STAB1: variants seen among roughly 807,000 people sequenced by gnomAD.
STAB1 encodes the protein stabilin-1.
Under a neutral mutation model 332.4 loss-of-function variants are expected in STAB1, and 250 were observed. The ratio of observed to expected loss-of-function variants is 0.75; its 90% confidence interval spans 0.68 to 0.84. STAB1 has a LOEUF of 0.84. STAB1 is among the 40% of genes least tolerant of loss of function. STAB1 has a pLI of 0.00. For synonymous variants in STAB1, 1,475 were observed against 1,390.4 expected, an observed-to-expected ratio of 1.06 and a Z score of -1.35; for missense variants, 3,249 against 3,489.7, an observed-to-expected ratio of 0.93 and a Z score of 1.74.
At position 52,520,785 on chromosome 3, in the gene STAB1, C is replaced by G; in HGVS notation, c.5707-19C>G. Reference sequence around the variant, plus strand: ...CAAACTCAGAACCACCCAACTGCGGCCTGACTCCTTTGGCCCAGGGCAGCC... The same window carrying G: ...CAAACTCAGAACCACCCAACTGCGGGCTGACTCCTTTGGCCCAGGGCAGCC... On this transcript the variant is annotated intron_variant, in intron 54 of 68. Coordinates refer to ENST00000321725, the MANE Select transcript of STAB1 (RefSeq NM_015136.3). 3 of 1,612,760 alleles carry G rather than the reference C, an allele frequency of 1.9e-6. No individual in the cohort carries two copies. The South Asian group carries it at 3.3e-5, about 18-fold the overall frequency.
chr3:52,511,723 G>A lies in STAB1; in HGVS notation c.2861G>A (p.Gly954Asp), dbSNP rs1464867217. Reference protein sequence around the residue: ...QCSPIDPCRAGNGGCHGLATC... With the variant: ...QCSPIDPCRADNGGCHGLATC... ...AGCCCCATCGACCCCTGCCGGGCAGGCAATGGCGGCTGCCACGGCCTGGTA... is the reference window on the plus strand; with the variant it reads ...AGCCCCATCGACCCCTGCCGGGCAGACAATGGCGGCTGCCACGGCCTGGTA... The change falls in exon 26 of 69, where the codon GGC (glycine) becomes GAC (aspartate). Residue 954 changes from glycine (G) to aspartate (D), a missense_variant. Physicochemically the swap from Gly to Asp is moderately conservative, Grantham distance 94. Coordinates refer to ENST00000321725, the MANE Select transcript of STAB1 (RefSeq NM_015136.3). 11 of 1,596,424 alleles carry A rather than the reference G, an allele frequency of 6.9e-6. No homozygotes were observed. Among genetic ancestry groups the A allele is most frequent in the Non-Finnish European group, 9.4e-6 (11 of 1,170,026 alleles).
At chr3:52,505,993 G>T (rs1010287002) in intron 16 of STAB1, 57 bp downstream of exon 16, 13 of 1,603,238 alleles carry the variant, frequency 8.1e-6, no homozygotes, top group Non-Finnish European at 1.1e-5. Context: ...CTGCCTGCAG[G>T]TTCTGGACTT....
chr3:52,505,108 T>C lies in STAB1; in HGVS notation c.1483T>C (p.Trp495Arg). The change falls in exon 13 of 69, where the codon TGG (tryptophan) becomes CGG (arginine). Residue 495 changes from tryptophan to arginine, a missense_variant. Transcript: ENST00000321725. ...CTTCCACGTGGTCACTGGCCTGCGG[T>C]GGCAGGCCCCCTCTGGGACCCCTGG... Reference protein sequence around the residue: ...GVFHVVTGLRWQAPSGTPGDP... With the variant: ...GVFHVVTGLRRQAPSGTPGDP... The C allele has an allele frequency of 1.9e-6, 3 of 1,613,436 alleles. No homozygotes were observed. Among genetic ancestry groups the C allele is most frequent in the Non-Finnish European group, 2.5e-6 (3 of 1,179,938 alleles).
intron 57 of STAB1, 21 bp from the exon 58 acceptor site, chr3:52,521,823 G>A: frequency 5.0e-6 from 8 of 1,593,488 alleles, no homozygotes; most frequent in Non-Finnish European, 6.8e-6. Flanking sequence ...CTGGTTCTGG[G>A]GGCTGGGCCC....
Position 52,520,406 on chromosome 3 carries a change from C to T in STAB1, c.5506C>T (p.Leu1836Phe). 1 of 1,611,900 alleles carries T rather than the reference C, an allele frequency of 6.2e-7. No homozygotes were observed. Among genetic ancestry groups the T allele is most frequent in the Middle Eastern group, 1.7e-4 (1 of 6,058 alleles). The part of the protein sequence containing the change: ...FSCSRTRAGE[L>F]MVGEDDARIV... The stretch of plus-strand genomic sequence containing the variant: ...TCATATTCTCTCCTTGCAGGGTGAG[C>T]TCATGGTGGGTGAGGATGATGCTCG... Residue 1836 changes from leucine to phenylalanine, a missense_variant, in exon 53 of 69, where the codon CTC (leucine) becomes TTC (phenylalanine). Transcript: ENST00000321725.
Position 52,521,369 on chromosome 3 carries a change from G to GGCGGCCCCA in STAB1, c.5920_5928dup (p.Gly1974_Ser1976dup), listed in dbSNP as rs769879000. ...TCCTACCCCATCCCCAGCTTGCCCT[G>GGCGGCCCCA]GCGGCCCCAGCAGCCCTTGTAGTGA... is the stretch of plus-strand genomic sequence containing the variant. On this transcript the variant is annotated inframe_insertion, in exon 56 of 69. Transcript: ENST00000321725. 18 of 1,613,788 alleles carry GGCGGCCCCA rather than the reference G, an allele frequency of 1.1e-5. No homozygotes were observed. Among genetic ancestry groups the GGCGGCCCCA allele is most frequent in the Admixed American group, 1.7e-5 (1 of 60,002 alleles).
intron 45 of STAB1, 120 bp downstream of exon 45, chr3:52,518,123 T>G: frequency 6.6e-7 from 1 of 1,508,098 alleles, no homozygotes; most frequent in Non-Finnish European, 8.9e-7. Flanking sequence ...ACACTGAGCC[T>G]GACCCCTGAT....
chr3:52,495,480 G>T lies in STAB1; in HGVS notation c.67G>T (p.Val23Phe). 2 of 1,339,092 alleles carry T rather than the reference G, an allele frequency of 1.5e-6. No homozygotes were observed. The highest frequency in any genetic ancestry group is 1.9e-6 in the Non-Finnish European group (2 of 1,037,560). 83.0% of individuals were successfully genotyped at this position (1,339,092 alleles called of 1,614,324 possible). The change falls in exon 1 of 69, where the codon GTC becomes TTC. Residue 23 changes from valine to phenylalanine, a missense_variant. Coordinates refer to ENST00000321725, the MANE Select transcript of STAB1 (RefSeq NM_015136.3). ...LAFCLAGFSF[V>F]RGQVLFKGCD... ...CTTCTGCCTGGCAGGCTTCAGCTTCGTCAGGGGGCAGGTAAGTGTGAGCCA... is the reference window on the plus strand; with the variant it reads ...CTTCTGCCTGGCAGGCTTCAGCTTCTTCAGGGGGCAGGTAAGTGTGAGCCA...
rs574870263 is a variant in STAB1, at chr3:52,507,971, C to T, written c.2093C>T (p.Thr698Met). The change falls in exon 20 of 69, where the codon ACG becomes ATG. Residue 698 changes from threonine to methionine, a missense_variant. Transcript: ENST00000321725. Reference protein sequence around the residue: ...PKECVYIHDPTGLNVLKKGCA... With the variant: ...PKECVYIHDPMGLNVLKKGCA... ...GAGTGTGTCTACATCCATGACCCAA[C>T]GGGGCTCAATGTGCTAAAGAAGGGC... 9 of 1,613,696 alleles carry T rather than the reference C, an allele frequency of 5.6e-6. No individual in the cohort carries two copies. Among genetic ancestry groups the T allele is most frequent in the South Asian group, 3.3e-5 (3 of 91,080 alleles).
Position 52,516,066 on chromosome 3 carries a change from C to T in STAB1, c.3972C>T (p.Phe1324=). 1.9e-6 allele frequency: 3 copies of T among 1,610,872 alleles called. No individual in the cohort carries two copies. The highest frequency in any genetic ancestry group is 2.5e-6 in the Non-Finnish European group (3 of 1,178,794). The change falls in exon 38 of 69, where the codon TTC becomes TTT. Residue 1324 remains phenylalanine (F), a synonymous_variant. Transcript: ENST00000321725. ...AGGTGCCGGACTGCTGCCCTGGTTT[C>T]TTTGGCACGCTGTGTGAGCCATGCC... is the stretch of plus-strand genomic sequence containing the variant. ...KIQVPDCCPG[F]FGTLCEPCPG... is the part of the protein sequence containing the mutation.
rs1011320710 is a variant in STAB1, at chr3:52,519,152, G to T, written c.5035-112G>T. 4 of 1,256,960 alleles carry T rather than the reference G, an allele frequency of 3.2e-6. No homozygotes were observed. In the African/African-American group the frequency reaches 4.6e-5, roughly 14 times the overall value. 77.9% of individuals were successfully genotyped at this position (1,256,960 alleles called of 1,614,324 possible). On this transcript the variant is annotated intron_variant, in intron 48 of 68. Coordinates refer to ENST00000321725, the MANE Select transcript of STAB1 (RefSeq NM_015136.3). ...CACCTCGTCCTGGTCCCGAAGAACC[G>T]GGACTGCCTGCACCCTGACTTGCCC...
rs764921346 is a variant in STAB1 at position 52,523,443 on chromosome 3, A to G, written c.7157A>G (p.Asp2386Gly). Residue 2386 changes from aspartate to glycine, a missense_variant, in exon 65 of 69, where the codon GAC becomes GGC. Asp to Gly is a moderately conservative substitution (Grantham distance 94). Transcript: ENST00000321725. ...FVDNMTLSGP[D>G]LELHASNATL... ...TGCTCACAGACGCTGAGTGGCCCAG[A>G]CTTGGAGCTGCATGCCTCCAACGCC... The G allele has an allele frequency of 6.2e-7, 1 of 1,609,228 alleles. No homozygotes were observed. The highest frequency in any genetic ancestry group is 8.5e-7 in the Non-Finnish European group (1 of 1,177,324).
At position 52,524,466 on chromosome 3, in the gene STAB1, G is replaced by A; in HGVS notation, c.*110G>A. 6.2e-7 allele frequency: 1 copy of A among 1,612,690 alleles called. No individual in the cohort carries two copies. Among genetic ancestry groups the A allele is most frequent in the South Asian group, 1.1e-5 (1 of 91,086 alleles). On this transcript the variant is annotated 3_prime_UTR_variant, in exon 69 of 69. Transcript: ENST00000321725. ...AGGGCCTGTCCCAGACAATAAAGGT[G>A]CCCTCAGCGGATGTGGGCCATGTCA...
rs113454193 is a variant in STAB1 at position 52,501,545 on chromosome 3, G to T, written c.216-93G>T. On this transcript the variant is annotated intron_variant, in intron 2 of 68. Coordinates refer to ENST00000321725, the MANE Select transcript of STAB1 (RefSeq NM_015136.3). The stretch of plus-strand genomic sequence containing the variant: ...GCTCTGGGCCAGGCAGAGCAGGGAG[G>T]TGGGTGGGAGCCCCGGAAGCCAATG... The T allele has an allele frequency of 2.9e-5, 36 of 1,255,426 alleles. 1 individual carries two copies. Among genetic ancestry groups the T allele is most frequent in the Middle Eastern group, 2.2e-4 (1 of 4,470 alleles). 77.8% of individuals were successfully genotyped at this position (1,255,426 alleles called of 1,614,324 possible).
Position 52,503,629 on chromosome 3 carries a change from G to T in STAB1, c.891+89G>T, listed in dbSNP as rs112086918. On this transcript the variant is annotated intron_variant, in intron 8 of 68. Coordinates refer to ENST00000321725, the MANE Select transcript of STAB1 (RefSeq NM_015136.3). ...TGGGCAAGTCACAGGCCTTCTGGTAGCCTCAGTTTCCCCACTTGTAAAGTG... is the reference window on the plus strand; with the variant it reads ...TGGGCAAGTCACAGGCCTTCTGGTATCCTCAGTTTCCCCACTTGTAAAGTG... The T allele has an allele frequency of 5.1e-5, 79 of 1,564,014 alleles. 3 individuals are homozygous for T. The African/African-American group carries it at 5.3e-4, about 10-fold the overall frequency.
In STAB1 at chr3:52,523,055, T is replaced by C; in HGVS notation, c.6941T>C (p.Val2314Ala). Residue 2314 changes from valine to alanine, a missense_variant, in exon 63 of 69, where the codon GTG (valine) becomes GCG (alanine). Val to Ala is a moderately conservative substitution (Grantham distance 64, BLOSUM62 0). Transcript: ENST00000321725. ...GCCTGCCGATGCCGAAATGGCTTCGTGGGTGACGGGATCAGCACGTGCAAT... is the reference window on the plus strand; with the variant it reads ...GCCTGCCGATGCCGAAATGGCTTCGCGGGTGACGGGATCAGCACGTGCAAT... ...DVACRCRNGF[V>A]GDGISTCNGK... 6.4e-7 allele frequency: 1 copy of C among 1,570,250 alleles called. No homozygotes were observed. The highest frequency in any genetic ancestry group is 8.7e-7 in the Non-Finnish European group (1 of 1,155,792).
In STAB1 at chr3:52,524,383, T is replaced by G. The variant is rs914694922; in HGVS notation, c.*27T>G. ...GAGGCTGGGGCTGAAAGCAGAAGCATGCACAGGGAGGAGACCACTTTTATT... is the reference window on the plus strand; with the variant it reads ...GAGGCTGGGGCTGAAAGCAGAAGCAGGCACAGGGAGGAGACCACTTTTATT... On this transcript the variant is annotated 3_prime_UTR_variant, in exon 69 of 69. Transcript: ENST00000321725. 5 of 1,613,334 alleles carry G rather than the reference T, an allele frequency of 3.1e-6. No individual in the cohort carries two copies. Among genetic ancestry groups the G allele is most frequent in the Non-Finnish European group, 4.2e-6 (5 of 1,179,910 alleles).
chr3:52,523,522 C>A lies in STAB1; in HGVS notation c.7236C>A (p.Gly2412=), dbSNP rs764035244. The change falls in exon 65 of 69, where the codon GGC becomes GGA. Residue 2412 remains glycine, a synonymous_variant. Transcript: ENST00000321725. ...SQGKLLPAHS[G]LSLIISDAGP... is the part of the protein sequence containing the mutation. The stretch of plus-strand genomic sequence containing the variant: ...GGAAGTTGCTTCCGGCCCACTCAGG[C>A]CTCAGCCTCATCATCAGTGACGCAG... 2 of 1,612,868 alleles carry A rather than the reference C, an allele frequency of 1.2e-6. No individual in the cohort carries two copies. Among genetic ancestry groups the A allele is most frequent in the Non-Finnish European group, 1.7e-6 (2 of 1,179,992 alleles).
chr3:52,511,861 A>T (rs1392267938), intron 26 of STAB1, 116 bp downstream of exon 26: 1 of 832,538 alleles, frequency 1.2e-6, no homozygotes, highest in Non-Finnish European at 1.8e-6. Flanking sequence ...CAGGATTAAG[A>T]TCTTTCTAAA....
Sources: allele counts gnomAD v4.1 joint callset, GRCh38; gene constraint gnomAD v4.1.1; transcripts MANE v1.5; gene names NCBI Gene and HGNC (gene_info 2026-07-23, HGNC 2026-07-21).